TTC21B: variants seen among roughly 807,000 people sequenced by gnomAD.
TTC21B encodes the protein tetratricopeptide repeat protein 21B.
In TTC21B, 127 loss-of-function variants were observed where a neutral mutation model predicts 175.1. The observed-to-expected ratio is 0.73, with a 90% CI of 0.63 to 0.84. The LOEUF (loss-of-function observed/expected upper bound fraction) is 0.84, where lower values mean the gene tolerates loss of function less well. Among genes scored for constraint, TTC21B ranks in the 40% least tolerant of loss-of-function variants. The pLI is 0.00. For synonymous variants in TTC21B, 524 were observed against 524.5 expected (o/e 1.00, Z 0.01); for missense variants, 1,561 against 1,558.3 (o/e 1.00, Z -0.03).
chr2:165,915,562 A>G (rs1686138174), intron 14 of TTC21B, 123 bp from the exon 15 acceptor site: 1 of 912,312 alleles, frequency 1.1e-6, no homozygotes, highest in Non-Finnish European at 1.7e-6. Flanking sequence ...TTACGAAATA[A>G]ATTGATAGAA....
At chr2:165,913,876 G>A (rs147044373) in intron 15 of TTC21B, among the ~76,000 whole-genome samples, 2 of 152,140 alleles carry the variant, frequency 1.3e-5, no homozygotes, top group African/African-American at 2.4e-5. Flanking sequence ...TGAAATGCAG[G>A]TAACTGAGTT....
intron 26 of TTC21B, among the ~76,000 whole-genome samples, chr2:165,881,942 A>G (rs1684849658): frequency 6.6e-6 from 1 of 152,128 alleles, no homozygotes; most frequent in South Asian, 2.1e-4. Context: ...TAAAACCATT[A>G]CCAATTACCC....
rs887475200 is a variant in TTC21B, at chr2:165,945,767, G to T, written c.263-77C>A. 11 of 1,464,762 alleles carry T rather than the reference G, an allele frequency of 7.5e-6. No individual in the cohort carries two copies. In the Admixed American group the frequency reaches 1.5e-4, roughly 20 times the overall value. 90.7% of individuals were successfully genotyped at this position (1,464,762 alleles called of 1,614,324 possible). ...TATAATAGGTCAGATAATTAACAAG[G>T]CAAAAAATTTACTTCTCTCTATAGT... On this transcript the variant is annotated intron_variant, in intron 3 of 28. Transcript: ENST00000243344.
chr2:165,882,289 G>GTA (rs1319165102), intron 26 of TTC21B, among the ~76,000 whole-genome samples: 2 of 152,124 alleles, frequency 1.3e-5, no homozygotes, highest in Non-Finnish European at 2.9e-5. Context: ...AACCAATTCT[G>GTA]TACAGAAAAG....
chr2:165,923,449 T>C (rs1471598087), intron 12 of TTC21B, among the ~76,000 whole-genome samples: 1 of 150,838 alleles, frequency 6.6e-6, no homozygotes, highest in Non-Finnish European at 1.5e-5. Flanking sequence ...GGTCTTTTTT[T>C]TTTTTTTTTT....
At chr2:165,896,619 A>C (rs368537884) in intron 22 of TTC21B, among the ~76,000 whole-genome samples, 2 of 152,204 alleles carry the variant, frequency 1.3e-5, no homozygotes, top group Non-Finnish European at 2.9e-5. Flanking sequence ...TCTAAGGAAG[A>C]AGCAGCACCA....
chr2:165,938,479 T>C (rs1687245280), intron 6 of TTC21B, among the ~76,000 whole-genome samples: 1 of 152,082 alleles, frequency 6.6e-6, no homozygotes, highest in Non-Finnish European at 1.5e-5. Flanking sequence ...AAGACAACAG[T>C]ACCACTCATG....
intron 15 of TTC21B, among the ~76,000 whole-genome samples, chr2:165,914,262 G>C (rs756260858): frequency 6.6e-6 from 1 of 152,144 alleles, no homozygotes; most frequent in Non-Finnish European, 1.5e-5. Context: ...ATGATGTTAA[G>C]AGTTGCAGCT....
At chr2:165,949,983 C>G in intron 1 of TTC21B, 2 of 296,378 alleles carry the variant, frequency 6.7e-6, no homozygotes, top group Non-Finnish European at 1.3e-5. Context: ...TTAACAGCAC[C>G]GAAATGAGGC....
At chr2:165,888,532 G>A (rs983818386) in intron 24 of TTC21B, 58 bp from the exon 25 acceptor site, 1 of 1,376,302 alleles carries the variant, frequency 7.3e-7, no homozygotes, top group African/African-American at 1.4e-5. Flanking sequence ...AATTCATTGA[G>A]ATTAGAATCA....
chr2:165,913,579 G>T lies in TTC21B; in HGVS notation c.2206C>A (p.Leu736Ile). 1.9e-6 allele frequency: 3 copies of T among 1,609,832 alleles called. No individual in the cohort carries two copies. The highest frequency in any genetic ancestry group is 1.7e-4 in the Middle Eastern group (1 of 6,048). The change falls in exon 16 of 29, where the codon CTA becomes ATA. Residue 736 changes from leucine (L) to isoleucine (I), a missense_variant. Transcript: ENST00000243344. ...LLLGDAYMNI[L>I]EPEEAIVAYE... is the part of the protein sequence containing the mutation. ...AGTAACATCAGAAATTTTACCTCTA[G>T]AATATTCATGTATGCATCACCAAGG...
chr2:165,944,519 T>C (rs1218476529), intron 4 of TTC21B, among the ~76,000 whole-genome samples: 2 of 152,172 alleles, frequency 1.3e-5, no homozygotes, highest in Non-Finnish European at 2.9e-5. Flanking sequence ...GGAAGTACTA[T>C]CTTTTTCTTT....
At chr2:165,907,192 T>G (rs1379249233) in intron 19 of TTC21B, among the ~76,000 whole-genome samples, 1 of 152,088 alleles carries the variant, frequency 6.6e-6, no homozygotes, top group Non-Finnish European at 1.5e-5. Flanking sequence ...ATGATCATCT[T>G]GATAGATGCA....
chr2:165,894,532 C>G (rs974456479), intron 22 of TTC21B, among the ~76,000 whole-genome samples: 1 of 152,070 alleles, frequency 6.6e-6, no homozygotes. Context: ...ATTAAAAACT[C>G]TTAAGATTAA....
chr2:165,936,861 T>C (rs1687170197), intron 6 of TTC21B, among the ~76,000 whole-genome samples: 1 of 152,038 alleles, frequency 6.6e-6, no homozygotes, highest in Admixed American at 6.6e-5. Flanking sequence ...GAACATAACA[T>C]GGTATAACAT....
intron 12 of TTC21B, among the ~76,000 whole-genome samples, chr2:165,923,022 T>C (rs1018415897): frequency 6.6e-6 from 1 of 152,134 alleles, no homozygotes; most frequent in Non-Finnish European, 1.5e-5. Context: ...CACTTGTAAG[T>C]AGTAGCTAAG....
At chr2:165,929,533 T>C in intron 10 of TTC21B, 117 bp downstream of exon 10, 1 of 879,156 alleles carries the variant, frequency 1.1e-6, no homozygotes, top group South Asian at 1.5e-5. Flanking sequence ...TGCAATTACA[T>C]ATTAAAATTA....
chr2:165,909,921 T>C (rs752018476), intron 18 of TTC21B, among the ~76,000 whole-genome samples: 3 of 152,300 alleles, frequency 2.0e-5, no homozygotes, highest in African/African-American at 4.8e-5. Context: ...TCCATTTAGA[T>C]AGTAAAAAGT....
chr2:165,933,400 G>A (rs1271658442), intron 6 of TTC21B, among the ~76,000 whole-genome samples: 1 of 152,048 alleles, frequency 6.6e-6, no homozygotes, highest in Non-Finnish European at 1.5e-5. Flanking sequence ...GGAATTCCGG[G>A]AATGCAAACC....
Sources: gnomAD v4.1 joint callset for allele counts (sites outside exome capture counted in the v4.1 genomes callset) on GRCh38, gnomAD v4.1.1 for gene constraint, MANE v1.5 for transcripts, NCBI Gene and HGNC (gene_info 2026-07-23, HGNC 2026-07-21) for gene names.